Variants in FNIP1 observed in about 807,000 individuals in gnomAD.
The protein encoded by FNIP1 is folliculin interacting protein 1, also known as folliculin-interacting protein 1.
Under a neutral mutation model 124.5 loss-of-function variants are expected in FNIP1, and 40 were observed. That is an observed-to-expected ratio of 0.32 (90% CI 0.25 to 0.42). FNIP1 has a LOEUF of 0.42. Among genes scored for constraint, FNIP1 ranks in the 10% least tolerant of loss-of-function variants. The probability of loss-of-function intolerance (pLI) is 1.00; values close to 1 mark genes in which losing one functional copy is unlikely to be tolerated. For synonymous variants in FNIP1, 472 were observed against 470.6 expected (o/e 1.00, Z -0.04); for missense variants, 1,176 against 1,403.7 (o/e 0.84, Z 2.59).
intron 11 of FNIP1, among the ~76,000 whole-genome samples, chr5:131,689,080 A>C (rs1768386928): frequency 6.6e-6 from 1 of 151,774 alleles, no homozygotes; most frequent in African/African-American, 2.4e-5. Context: ...TCTTAATGGA[A>C]GTAAGAAGGA....
At chr5:131,792,306 G>T (rs571594385) in intron 1 of FNIP1, among the ~76,000 whole-genome samples, 3 of 151,870 alleles carry the variant, frequency 2.0e-5, no homozygotes, top group African/African-American at 7.2e-5. Flanking sequence ...GATTACAGGC[G>T]CCCGCCACCA....
chr5:131,719,094 C>T (rs377575879), intron 4 of FNIP1, 34 bp from the exon 5 acceptor site: 244 of 1,576,970 alleles, frequency 1.5e-4, no homozygotes, highest in Non-Finnish European at 2.0e-4. Context: ...GAGACCAAAA[C>T]TAAAATATAA....
intron 2 of FNIP1, among the ~76,000 whole-genome samples, chr5:131,740,543 T>C (rs1236709121): frequency 6.6e-6 from 1 of 152,216 alleles, no homozygotes; most frequent in Non-Finnish European, 1.5e-5. Context: ...GCACTGTTGT[T>C]GACATAAAAA....
intron 5 of FNIP1, among the ~76,000 whole-genome samples, chr5:131,717,201 T>A (rs1769497290): frequency 6.7e-6 from 1 of 148,746 alleles, no homozygotes; most frequent in African/African-American, 2.5e-5. Context: ...TGTGTTCTCA[T>A]TGTTCAACTC....
intron 2 of FNIP1, among the ~76,000 whole-genome samples, chr5:131,733,044 C>T (rs1026969859): frequency 3.3e-5 from 5 of 152,126 alleles, no homozygotes; most frequent in African/African-American, 1.2e-4. Flanking sequence ...AGGTCCTTCA[C>T]ATCCCTTGTA....
chr5:131,644,136 CAT>C lies in FNIP1; in HGVS notation c.*547_*548del, dbSNP rs1045423724. ...TACATATGTACACTTGGGTGGATAA[CAT>C]AACACATTTACACTCATTATTCTGA... is the stretch of plus-strand genomic sequence containing the variant. On this transcript the variant is annotated 3_prime_UTR_variant, in exon 18 of 18. Transcript: ENST00000510461. 4.3e-4 allele frequency: 65 copies of C among 152,160 alleles called. No individual in the cohort carries two copies. The highest frequency in any genetic ancestry group is 1.5e-3 in the African/African-American group (63 of 41,406). 9.4% of individuals were successfully genotyped at this position (152,160 alleles called of 1,614,324 possible). A position where few individuals can be genotyped will look rare whatever the true frequency, so the allele number is the denominator to read the frequency against.
chr5:131,756,620 C>T (rs905713716), intron 1 of FNIP1, among the ~76,000 whole-genome samples: 1 of 152,104 alleles, frequency 6.6e-6, no homozygotes, highest in Non-Finnish European at 1.5e-5. Flanking sequence ...CAGCAGAATA[C>T]ACTTAATGAG....
chr5:131,693,297 C>CATATATATATATATACATAT (rs1768547456), intron 11 of FNIP1, among the ~76,000 whole-genome samples: 1 of 27,040 alleles, frequency 3.7e-5, no homozygotes, highest in African/African-American at 1.3e-4. Context: ...TAAATATATA[C>CATATATATATATATACATAT]ATATATATAT....
intron 2 of FNIP1, among the ~76,000 whole-genome samples, chr5:131,740,017 A>C (rs144231834): frequency 4.9e-4 from 75 of 152,222 alleles, no homozygotes; most frequent in African/African-American, 1.8e-3. Context: ...AAAAATAAGG[A>C]TAACATTGTT....
At chr5:131,788,441 G>C (rs1395705674) in intron 1 of FNIP1, among the ~76,000 whole-genome samples, 1 of 152,054 alleles carries the variant, frequency 6.6e-6, no homozygotes, top group African/African-American at 2.4e-5. Context: ...GGCCAAGAAG[G>C]GCAGATCACC....
intron 1 of FNIP1, among the ~76,000 whole-genome samples, chr5:131,762,000 T>A (rs1214244445): frequency 6.6e-6 from 1 of 152,098 alleles, no homozygotes. Flanking sequence ...AGAACATACA[T>A]TTGAGAAAGG....
chr5:131,710,539 G>C, intron 7 of FNIP1, 39 bp downstream of exon 7: 1 of 1,587,698 alleles, frequency 6.3e-7, no homozygotes, highest in East Asian at 2.3e-5. Flanking sequence ...TAGCCGTTGG[G>C]GCACACCAAC....
At chr5:131,694,458 C>T (rs909917424) in intron 11 of FNIP1, among the ~76,000 whole-genome samples, 2 of 152,028 alleles carry the variant, frequency 1.3e-5, no homozygotes, top group African/African-American at 2.4e-5. Flanking sequence ...AAGAATCTTA[C>T]GAAAGACTGG....
At position 131,672,485 on chromosome 5, in the gene FNIP1, A is replaced by G. The variant is rs1767789953; in HGVS notation, c.1959T>C (p.Ser653=). ...CAACAGCATTTTCTTCTTGGCAGTC[A>G]GAAGGAGAAATCATCTGGCACTCAT... is the stretch of plus-strand genomic sequence containing the variant. The part of the protein sequence containing the change: ...ISDECQMISP[S]DCQEENAVDV... The change falls in exon 14 of 18, where the codon TCT becomes TCC. Residue 653 remains serine, a synonymous_variant. Transcript: ENST00000510461. The G allele has an allele frequency of 1.2e-6, 2 of 1,613,488 alleles. No individual in the cohort carries two copies. Among genetic ancestry groups the G allele is most frequent in the African/African-American group, 1.3e-5 (1 of 74,946 alleles).
rs1274717853 is a variant in FNIP1 at position 131,722,966 on chromosome 5, G to A, written c.355-3549C>T. Among the ~76,000 whole-genome samples, 3 of 152,178 alleles carry A rather than the reference G, an allele frequency of 2.0e-5. No homozygotes were observed. In the South Asian group the frequency reaches 6.2e-4, roughly 32 times the overall value. On this transcript the variant is annotated intron_variant, in intron 3 of 17. Transcript: ENST00000510461. ...CCCAAAGTGCTGGGATTACAGGTGT[G>A]AGCCAACTCGCCCAGCCCACAAAGT...
Position 131,664,589 on chromosome 5 carries a change from C to T in FNIP1, c.3108+5874G>A, listed in dbSNP as rs187812456. On this transcript the variant is annotated intron_variant, in intron 15 of 17. Transcript: ENST00000510461. ...GTTCAAGGCTCCAGTAAGCCATGTT[C>T]GTGCCACTGCACTCTAACCTGGATG... is the stretch of plus-strand genomic sequence containing the variant. Among the ~76,000 whole-genome samples, 490 of 132,642 alleles carry T rather than the reference C, an allele frequency of 3.7e-3. 2 individuals are homozygous for T. The highest frequency in any genetic ancestry group is 0.013 in the African/African-American group (449 of 35,132). The allele number at this position is 132,642 out of a possible 152,430, so 87.0% of individuals were successfully genotyped here.
At chr5:131,690,036 C>G (rs563003496) in intron 11 of FNIP1, among the ~76,000 whole-genome samples, 1 of 151,818 alleles carries the variant, frequency 6.6e-6, no homozygotes, top group South Asian at 2.1e-4. Context: ...CTGGCTAACA[C>G]GGTGAAACCC....
At chr5:131,783,724 T>C (rs976670923) in intron 1 of FNIP1, among the ~76,000 whole-genome samples, 1 of 152,160 alleles carries the variant, frequency 6.6e-6, no homozygotes, top group Non-Finnish European at 1.5e-5. Context: ...GGGTCAGTTA[T>C]GGCTTTTGAC....
rs1159049195 is a variant in FNIP1, at chr5:131,672,905, A to T, written c.1539T>A (p.Ile513=). Residue 513 remains isoleucine, a synonymous_variant, in exon 14 of 18, where the codon ATT becomes ATA. Coordinates refer to ENST00000510461, the MANE Select transcript of FNIP1 (RefSeq NM_133372.3). ...WAQLGDLYGA[I]GSPVRLARTV... is the part of the protein sequence containing the mutation. Reference sequence around the variant, plus strand: ...TCCTTGCTAACCGTACGGGAGAGCCAATAGCGCCATACAAGTCTCCTGTAA... The same window carrying T: ...TCCTTGCTAACCGTACGGGAGAGCCTATAGCGCCATACAAGTCTCCTGTAA... The T allele has an allele frequency of 6.4e-7, 1 of 1,557,872 alleles. No individual in the cohort carries two copies. The highest frequency in any genetic ancestry group is 2.1e-5 in the Admixed American group (1 of 48,744).
Sources: gnomAD v4.1 joint callset for allele counts (sites outside exome capture counted in the v4.1 genomes callset) on GRCh38, gnomAD v4.1.1 for gene constraint, MANE v1.5 for transcripts, NCBI Gene and HGNC (gene_info 2026-07-23, HGNC 2026-07-21) for gene names.